DDX60L: variants seen among roughly 807,000 people sequenced by gnomAD.
The protein encoded by DDX60L is probable ATP-dependent RNA helicase DDX60-like.
Under a neutral mutation model 211.6 loss-of-function variants are expected in DDX60L, and 191 were observed. The observed-to-expected ratio is 0.90, with a 90% CI of 0.80 to 1.02. The LOEUF is 1.02. Among genes scored for constraint, DDX60L ranks in the 50% least tolerant of loss-of-function variants. The pLI, the probability that DDX60L is intolerant of heterozygous loss-of-function variation, is 0.00. For missense variants in DDX60L, 2,007 were observed against 1,984.1 expected (o/e 1.01, Z -0.22); for synonymous variants, 706 against 694.1 (o/e 1.02, Z -0.27).
Position 168,454,758 on chromosome 4 carries a change from C to CTTTTTTTTTTTTTTTT in DDX60L, c.837+1265_837+1280dup, listed in dbSNP as rs767461447. On this transcript the variant is annotated intron_variant, in intron 7 of 37. Transcript: ENST00000682922. ...GTGCTCCCGAAGAGTAAACAGCTTC[C>CTTTTTTTTTTTTTTTT]TTTTTTTTTTTTTTTTTTTTTAGCA... Among the ~76,000 whole-genome samples the CTTTTTTTTTTTTTTTT allele has an allele frequency of 3.6e-3, 317 of 88,614 alleles. 42 individuals are homozygous for CTTTTTTTTTTTTTTTT. Among genetic ancestry groups the CTTTTTTTTTTTTTTTT allele is most frequent in the African/African-American group, 0.014 (290 of 20,664 alleles). The allele number at this position is 88,614 out of a possible 152,430, so 58.1% of individuals were successfully genotyped here.
intron 19 of DDX60L, among the ~76,000 whole-genome samples, chr4:168,417,696 C>T (rs1268180659): frequency 1.3e-5 from 2 of 152,192 alleles, no homozygotes; most frequent in Non-Finnish European, 2.9e-5. Flanking sequence ...GGAGAAAGCA[C>T]AGTGTCTAGC....
chr4:168,465,213 TG>T (rs1339317087), intron 4 of DDX60L, among the ~76,000 whole-genome samples: 1 of 152,090 alleles, frequency 6.6e-6, no homozygotes, highest in African/African-American at 2.4e-5. Context: ...TATCTTATTA[TG>T]GTTTGGATTT....
chr4:168,410,045 A>T lies in DDX60L; in HGVS notation c.2980-3339T>A, dbSNP rs151167688. On this transcript the variant is annotated intron_variant, in intron 22 of 37. Coordinates refer to ENST00000682922, the MANE Select transcript of DDX60L (RefSeq NM_001012967.3). ...AATATTTACTGAGCAACTTTTGTGT[A>T]TATGGCACTATGAGCTAGCTATAAG... Among the ~76,000 whole-genome samples the T allele has an allele frequency of 4.0e-3, 613 of 152,344 alleles. 2 individuals carry two copies. The highest frequency in any genetic ancestry group is 0.014 in the African/African-American group (575 of 41,576).
intron 7 of DDX60L, 80 bp from the exon 8 acceptor site, chr4:168,453,362 A>T (rs1482546430): frequency 1.4e-6 from 2 of 1,412,090 alleles, no homozygotes; most frequent in Non-Finnish European, 1.9e-6. Flanking sequence ...CACGAAGATC[A>T]TATCTTCAAA....
Position 168,471,569 on chromosome 4 carries a change from A to G in DDX60L, c.264+178T>C. ...GAGGGAAAAAAATTTAATAAAATAA[A>G]AAATAAAGAATGGTTATCTCTGAGT... On this transcript the variant is annotated intron_variant, in intron 4 of 37. Transcript: ENST00000682922. The G allele has an allele frequency of 6.4e-6, 3 of 471,838 alleles. No homozygotes were observed. In the East Asian group the frequency reaches 1.1e-4, roughly 17 times the overall value. 29.2% of individuals were successfully genotyped at this position (471,838 alleles called of 1,614,324 possible). A position where few individuals can be genotyped will look rare whatever the true frequency, so the allele number is the denominator to read the frequency against.
chr4:168,407,954 T>C (rs772291905), intron 22 of DDX60L, among the ~76,000 whole-genome samples: 4 of 152,264 alleles, frequency 2.6e-5, no homozygotes, highest in Non-Finnish European at 5.9e-5. Flanking sequence ...TAAAGAATCA[T>C]CATTTAGCAA....
chr4:168,400,737 TG>T, intron 26 of DDX60L, 88 bp downstream of exon 26: 1 of 1,157,386 alleles, frequency 8.6e-7, no homozygotes, highest in Non-Finnish European at 1.2e-6. Context: ...AACCTCTTTG[TG>T]GCTCAGGTCT....
chr4:168,429,968 T>G (rs1429930649), intron 13 of DDX60L, among the ~76,000 whole-genome samples: 1 of 152,086 alleles, frequency 6.6e-6, no homozygotes, highest in Non-Finnish European at 1.5e-5. Flanking sequence ...GAGGCCAAGG[T>G]GGGTGGATCA....
At chr4:168,461,131 G>C (rs1475556302) in intron 5 of DDX60L, among the ~76,000 whole-genome samples, 1 of 152,102 alleles carries the variant, frequency 6.6e-6, no homozygotes, top group Non-Finnish European at 1.5e-5. Context: ...TTGGTGGCTG[G>C]GACTGAAGCT....
intron 22 of DDX60L, among the ~76,000 whole-genome samples, chr4:168,407,817 C>T (rs1006524621): frequency 6.6e-6 from 1 of 152,192 alleles, no homozygotes. Context: ...TCACTACTCC[C>T]TGGGGTTCTG....
At position 168,448,724 on chromosome 4, in the gene DDX60L, T is replaced by A; in HGVS notation, c.1052A>T (p.Asn351Ile). The change falls in exon 9 of 38, where the codon AAT becomes ATT. Residue 351 changes from asparagine to isoleucine, a missense_variant. Asn to Ile is a moderately radical substitution (Grantham distance 149). Coordinates refer to ENST00000682922, the MANE Select transcript of DDX60L (RefSeq NM_001012967.3). ...GTCAGAAACATGATTTAAATTCAGA[T>A]TCCAGCATCCAAAAACGTTTAAGTT... The part of the protein sequence containing the change: ...LSNLNVFGCW[N>I]LNLNHVSDLY... The A allele has an allele frequency of 1.2e-6, 2 of 1,607,198 alleles. No individual in the cohort carries two copies. The highest frequency in any genetic ancestry group is 1.7e-6 in the Non-Finnish European group (2 of 1,174,802).
chr4:168,446,499 A>C (rs1365117473), intron 9 of DDX60L, among the ~76,000 whole-genome samples: 1 of 152,230 alleles, frequency 6.6e-6, no homozygotes. Flanking sequence ...CAAGCTACCA[A>C]TGACTTTCTT....
intron 3 of DDX60L, 118 bp downstream of exon 3, chr4:168,472,337 A>C (rs977502319): frequency 1.3e-6 from 1 of 751,144 alleles, no homozygotes; most frequent in African/African-American, 1.8e-5. Flanking sequence ...CATCATCTCC[A>C]AGCTGCTCCA....
intron 29 of DDX60L, among the ~76,000 whole-genome samples, chr4:168,389,511 AGAAG>A (rs1171645625): frequency 6.6e-6 from 1 of 152,228 alleles, no homozygotes; most frequent in Non-Finnish European, 1.5e-5. Context: ...AGAAAGCACT[AGAAG>A]GAAGGAAGGT....
intron 7 of DDX60L, among the ~76,000 whole-genome samples, chr4:168,454,709 T>C (rs1271153187): frequency 1.3e-5 from 2 of 148,726 alleles, no homozygotes; most frequent in African/African-American, 5.0e-5. Flanking sequence ...TGCTCACTGC[T>C]CTCTCCATTC....
chr4:168,428,483 A>T (rs1426395715), intron 13 of DDX60L, among the ~76,000 whole-genome samples: 2 of 152,176 alleles, frequency 1.3e-5, no homozygotes, highest in Non-Finnish European at 2.9e-5. Flanking sequence ...AGTGGGAAAG[A>T]GAAATGTTTT....
chr4:168,435,590 C>T (rs767976505), intron 10 of DDX60L, among the ~76,000 whole-genome samples: 3 of 152,044 alleles, frequency 2.0e-5, no homozygotes, highest in Middle Eastern at 3.4e-3. Flanking sequence ...GTACCTGGTA[C>T]GCAGCTATCG....
chr4:168,416,818 A>G, intron 19 of DDX60L, 21 bp from the exon 20 acceptor site: 1 of 1,278,892 alleles, frequency 7.8e-7, no homozygotes, highest in Non-Finnish European at 1.1e-6. Flanking sequence ...AAAAAAAATC[A>G]GTTGAAAAGT....
intron 29 of DDX60L, among the ~76,000 whole-genome samples, chr4:168,385,447 A>T (rs1743693771): frequency 6.6e-6 from 1 of 152,156 alleles, no homozygotes; most frequent in Non-Finnish European, 1.5e-5. Context: ...TAAACTGATA[A>T]ATATAAGTGT....
Sources: gnomAD v4.1 joint callset for allele counts (sites outside exome capture counted in the v4.1 genomes callset) on GRCh38, gnomAD v4.1.1 for gene constraint, MANE v1.5 for transcripts, NCBI Gene and HGNC (gene_info 2026-07-23, HGNC 2026-07-21) for gene names.